Variants in NDUFAF2 observed in about 807,000 individuals in gnomAD.
The protein encoded by NDUFAF2 is NADH dehydrogenase [ubiquinone] 1 alpha subcomplex assembly factor 2.
A neutral mutation model predicts 22.8 loss-of-function variants in NDUFAF2; 13 were observed. The observed-to-expected ratio is 0.57, with a 90% confidence interval of 0.37 to 0.91. The LOEUF (loss-of-function observed/expected upper bound fraction) is 0.91, where lower values mean the gene tolerates loss of function less well. Ranked by LOEUF, NDUFAF2 falls within the 40% of genes least tolerant of loss-of-function variation. NDUFAF2 has a pLI of 0.01. For synonymous variants in NDUFAF2, 53 were observed against 64.2 expected, an observed-to-expected ratio of 0.83 and a Z score of 0.84; for missense variants, 162 against 195.2, an observed-to-expected ratio of 0.83 and a Z score of 1.01.
chr5:61,148,669 G>A (rs774526023), intron 3 of NDUFAF2, among the ~76,000 whole-genome samples: 11 of 152,138 alleles, frequency 7.2e-5, no homozygotes, highest in Non-Finnish European at 1.6e-4. Context: ...CACACAGCTG[G>A]TAAATGGTAA....
At chr5:61,001,311 A>G (rs1751292300) in intron 1 of NDUFAF2, among the ~76,000 whole-genome samples, 1 of 152,106 alleles carries the variant, frequency 6.6e-6, no homozygotes, top group Non-Finnish European at 1.5e-5. Flanking sequence ...GCTCTTCACT[A>G]TTTCACATTT....
At position 61,011,201 on chromosome 5, in the gene NDUFAF2, G is replaced by A. The variant is rs144977832; in HGVS notation, c.128-61924G>A. On this transcript the variant is annotated intron_variant, in intron 1 of 3. Transcript: ENST00000296597. ...CATATGAGGTTTTTCCTGTGTTTTC[G>A]TAATTCTGTGCCTTATGAGTATTTT... Among the ~76,000 whole-genome samples, 7 of 152,044 alleles carry A rather than the reference G, an allele frequency of 4.6e-5. No individual in the cohort carries two copies. The East Asian group carries it at 7.7e-4, about 17-fold the overall frequency.
chr5:61,028,273 T>C (rs1751677362), intron 1 of NDUFAF2, among the ~76,000 whole-genome samples: 1 of 152,064 alleles, frequency 6.6e-6, no homozygotes, highest in African/African-American at 2.4e-5. Context: ...CACAATTTGC[T>C]ATGTGCATAT....
intron 1 of NDUFAF2, among the ~76,000 whole-genome samples, chr5:60,956,871 A>AT (rs1304075011): frequency 2.6e-5 from 4 of 151,834 alleles, no homozygotes; most frequent in Admixed American, 1.3e-4. Context: ...TTTATATTTT[A>AT]TTTTTTTTAG....
chr5:60,947,760 C>A, intron 1 of NDUFAF2, among the ~76,000 whole-genome samples: 3 of 96,572 alleles, frequency 3.1e-5, no homozygotes, highest in East Asian at 6.1e-4. Context: ...AGTGAGACTC[C>A]ACCTCAAAAA....
intron 3 of NDUFAF2, among the ~76,000 whole-genome samples, chr5:61,127,036 A>C (rs1389568545): frequency 6.6e-6 from 1 of 152,198 alleles, no homozygotes; most frequent in Non-Finnish European, 1.5e-5. Flanking sequence ...GAAAATCTAG[A>C]AGAAATGGAT....
intron 1 of NDUFAF2, among the ~76,000 whole-genome samples, chr5:61,053,619 A>G (rs1274835044): frequency 1.3e-5 from 2 of 152,200 alleles, no homozygotes; most frequent in African/African-American, 4.8e-5. Context: ...TGTGGCTAAA[A>G]GGATAGAATA....
chr5:61,086,371 GAGAA>G (rs1561561111), intron 2 of NDUFAF2, among the ~76,000 whole-genome samples: 1 of 151,922 alleles, frequency 6.6e-6, no homozygotes, highest in Non-Finnish European at 1.5e-5. Flanking sequence ...AACTTTTTTG[GAGAA>G]AGAACAAGAT....
At chr5:60,996,126 G>T (rs1464723537) in intron 1 of NDUFAF2, among the ~76,000 whole-genome samples, 1 of 152,042 alleles carries the variant, frequency 6.6e-6, no homozygotes, top group African/African-American at 2.4e-5. Flanking sequence ...AACCTGCTTG[G>T]TGCTGTACCC....
chr5:60,955,032 G>A (rs1412313203), intron 1 of NDUFAF2, among the ~76,000 whole-genome samples: 2 of 152,110 alleles, frequency 1.3e-5, no homozygotes, highest in African/African-American at 2.4e-5. Context: ...TCCATAGGTT[G>A]CCTTTGTATC....
Position 60,945,259 on chromosome 5 carries a change from G to C in NDUFAF2, c.4G>C (p.Gly2Arg), listed in dbSNP as rs866458871. The change falls in exon 1 of 4, where the codon GGT (glycine) becomes CGT (arginine). Residue 2 changes from glycine to arginine, a missense_variant. By Grantham distance (125) the Gly-to-Arg change is moderately radical. Transcript: ENST00000296597. ...CGCTGGAAACTGGGTGGACGGCATG[G>C]GTTGGTCTCAGGATTTGTTCCGCGC... M[G>R]WSQDLFRALW... The C allele has an allele frequency of 1.2e-6, 2 of 1,612,940 alleles. No individual in the cohort carries two copies. Among genetic ancestry groups the C allele is most frequent in the African/African-American group, 2.7e-5 (2 of 74,900 alleles).
At chr5:60,972,644 A>G (rs1438052587) in intron 1 of NDUFAF2, among the ~76,000 whole-genome samples, 4 of 152,074 alleles carry the variant, frequency 2.6e-5, no homozygotes, top group South Asian at 2.1e-4. Flanking sequence ...GCATTTTTAA[A>G]TCACTTGTTT....
rs1401825593 is a variant in NDUFAF2, at chr5:60,945,401, C to T, written c.127+19C>T. 1.5e-5 allele frequency: 25 copies of T among 1,614,070 alleles called. No homozygotes were observed. The highest frequency in any genetic ancestry group is 2.1e-5 in the Non-Finnish European group (25 of 1,180,040). ...TGGAGAGGTGAGGTGGCGGCGTGGG[C>T]AGCGATTGCGTGGTCAGTGATTGCG... is the stretch of plus-strand genomic sequence containing the variant. On this transcript the variant is annotated intron_variant, in intron 1 of 3. Coordinates refer to ENST00000296597, the MANE Select transcript of NDUFAF2 (RefSeq NM_174889.5).
At chr5:61,085,430 A>G (rs1243101977) in intron 2 of NDUFAF2, among the ~76,000 whole-genome samples, 1 of 152,156 alleles carries the variant, frequency 6.6e-6, no homozygotes, top group East Asian at 1.9e-4. Context: ...AAAAAAACCT[A>G]CAGTTAACCT....
At chr5:60,978,979 A>G (rs149886359) in intron 1 of NDUFAF2, among the ~76,000 whole-genome samples, 29 of 152,318 alleles carry the variant, frequency 1.9e-4, no homozygotes, top group African/African-American at 7.0e-4. Flanking sequence ...ACTCAGCCAC[A>G]GTAGATAGAG....
chr5:61,143,958 TTTTGTGTGTGTGTGTGTGTGTGTG>T lies in NDUFAF2; in HGVS notation c.259-8744_259-8721del, dbSNP rs775369429. ...GAACATTAAAGATGAAATGGCATAT[TTTTGTGTGTGTGTGTGTGTGTGTG>T]TGTGTGTGTGTGTGTGTGTGTGTGT... is the stretch of plus-strand genomic sequence containing the variant. On this transcript the variant is annotated intron_variant, in intron 3 of 3. Transcript: ENST00000296597. 1.9e-4 allele frequency among the ~76,000 whole-genome samples: 24 copies of T among 125,560 alleles called. No homozygotes were observed. In the South Asian group the frequency reaches 2.6e-3, roughly 13 times the overall value. 82.4% of individuals were successfully genotyped at this position (125,560 alleles called of 152,430 possible). A position where few individuals can be genotyped will look rare whatever the true frequency, so the allele number is the denominator to read the frequency against.
intron 1 of NDUFAF2, among the ~76,000 whole-genome samples, chr5:61,040,276 ACACACACACACGCGCG>A (rs1161054050): frequency 8.3e-6 from 1 of 120,702 alleles, no homozygotes; most frequent in Non-Finnish European, 1.7e-5. Context: ...ACACACACAC[ACACACACACACGCGCG>A]CGCGCGCGCG....
Position 60,955,618 on chromosome 5 carries a change from G to C in NDUFAF2, c.127+10236G>C, listed in dbSNP as rs1750605490. 2.0e-5 allele frequency among the ~76,000 whole-genome samples: 3 copies of C among 152,156 alleles called. No individual in the cohort carries two copies. The South Asian group carries it at 6.2e-4, about 31-fold the overall frequency. On this transcript the variant is annotated intron_variant, in intron 1 of 3. Transcript: ENST00000296597. ...TTTCTGGAAAAAAAAAGTCATTGGA[G>C]TTTTGTTAGAGATTGTGTTGAATCT...
intron 1 of NDUFAF2, among the ~76,000 whole-genome samples, chr5:60,952,061 A>G (rs1750554855): frequency 6.6e-6 from 1 of 151,442 alleles, no homozygotes; most frequent in East Asian, 1.9e-4. Context: ...ATTTGTAGTG[A>G]TATCCTCTCT....
Sources: allele counts gnomAD v4.1 joint callset (sites outside exome capture counted in the v4.1 genomes callset), GRCh38; gene constraint gnomAD v4.1.1; transcripts MANE v1.5; gene names NCBI Gene and HGNC (gene_info 2026-07-23, HGNC 2026-07-21).